Variants in CSGALNACT1 observed in about 807,000 individuals in gnomAD.
CSGALNACT1 encodes chondroitin sulfate N-acetylgalactosaminyltransferase 1, also known as beta4GalNAcT-1.
Under a neutral mutation model 51.0 loss-of-function variants are expected in CSGALNACT1, and 52 were observed. The ratio of observed to expected loss-of-function variants is 1.02; its 90% CI spans 0.82 to 1.29. The LOEUF is 1.29. Among genes scored for constraint, CSGALNACT1 ranks in the 50% most tolerant of loss-of-function variants. The pLI is 0.00. For missense variants in CSGALNACT1, 935 were observed against 679.2 expected (o/e 1.38, Z -4.19); for synonymous variants, 341 against 254.4 (o/e 1.34, Z -3.24).
chr8:19,454,761 A>C (rs1451794155), intron 5 of CSGALNACT1, among the ~76,000 whole-genome samples: 2 of 151,876 alleles, frequency 1.3e-5, no homozygotes, highest in African/African-American at 2.4e-5. Flanking sequence ...TTGTACTGAA[A>C]TGTTTCAATC....
chr8:19,647,533 C>T lies in CSGALNACT1; in HGVS notation c.-544+34940G>A, dbSNP rs375372512. Among the ~76,000 whole-genome samples, 15 of 152,306 alleles carry T rather than the reference C, an allele frequency of 9.8e-5. No homozygotes were observed. The East Asian group carries it at 1.5e-3, about 16-fold the overall frequency. On this transcript the variant is annotated intron_variant, in intron 1 of 9. Transcript: ENST00000332246. ...AGCTCATCTGAATACTCTAAGAGAG[C>T]CCAGTGATCACCTGCCAAATGGATT...
At chr8:19,618,318 G>A (rs1454174929) in intron 1 of CSGALNACT1, among the ~76,000 whole-genome samples, 2 of 152,096 alleles carry the variant, frequency 1.3e-5, no homozygotes, top group Non-Finnish European at 2.9e-5. Context: ...TACTATGACT[G>A]TAGGGCTGGC....
chr8:19,612,947 A>AG (rs1491459890), intron 1 of CSGALNACT1, among the ~76,000 whole-genome samples: 2 of 49,788 alleles, frequency 4.0e-5, no homozygotes. Flanking sequence ...AAGCAGCTGG[A>AG]AAAAAAAAAA....
chr8:19,686,516 G>A (rs192068668), upstream of CSGALNACT1, among the ~76,000 whole-genome samples: 2 of 152,238 alleles, frequency 1.3e-5, no homozygotes, highest in Admixed American at 1.3e-4. Context: ...TGTCCTTGGG[G>A]GTTTGTCTGT....
chr8:19,534,297 T>C (rs901662505), intron 3 of CSGALNACT1, among the ~76,000 whole-genome samples: 2 of 151,872 alleles, frequency 1.3e-5, no homozygotes, highest in Non-Finnish European at 2.9e-5. Context: ...ACCAAAAAAA[T>C]ACAGAAATTA....
At chr8:19,662,198 A>G (rs1389986222) in intron 1 of CSGALNACT1, among the ~76,000 whole-genome samples, 1 of 151,352 alleles carries the variant, frequency 6.6e-6, no homozygotes, top group Non-Finnish European at 1.5e-5. Flanking sequence ...CAGGTGATCA[A>G]CATGGTGAAA....
At chr8:19,650,489 C>A (rs539889032) in intron 1 of CSGALNACT1, among the ~76,000 whole-genome samples, 25 of 152,174 alleles carry the variant, frequency 1.6e-4, no homozygotes, top group Admixed American at 7.2e-4. Flanking sequence ...AATAGTGAAG[C>A]TCTTAATTTT....
chr8:19,743,191 G>C (rs1215787569), intron 1 of CSGALNACT1, among the ~76,000 whole-genome samples: 2 of 152,204 alleles, frequency 1.3e-5, no homozygotes, highest in African/African-American at 2.4e-5. Flanking sequence ...CCCAACATGA[G>C]CTGCTGGAAC....
rs558437279 is a variant in CSGALNACT1 at position 19,671,594 on chromosome 8, C to A, written c.-544+10879G>T. On this transcript the variant is annotated intron_variant, in intron 1 of 9. Transcript: ENST00000332246. The stretch of plus-strand genomic sequence containing the variant: ...ACATATAGTGAGAAAAACAGACAAA[C>A]TTCCCTGCCCTCCCGCAACTTATAT... Among the ~76,000 whole-genome samples the A allele has an allele frequency of 2.0e-5, 3 of 152,284 alleles. No homozygotes were observed. The East Asian group carries it at 5.8e-4, about 29-fold the overall frequency.
rs149382161 is a variant in CSGALNACT1 at position 19,619,917 on chromosome 8, T to C, written c.-543-18052A>G. On this transcript the variant is annotated intron_variant, in intron 1 of 9. Coordinates refer to the CSGALNACT1 transcript ENST00000332246. ...GGGCTCAAATCCCAGCCTGGTCACTTGAGACGCTGGGCAAATTATCCTTCT... is the reference window on the plus strand; with the variant it reads ...GGGCTCAAATCCCAGCCTGGTCACTCGAGACGCTGGGCAAATTATCCTTCT... Among the ~76,000 whole-genome samples, 363 of 152,282 alleles carry C rather than the reference T, an allele frequency of 2.4e-3. 3 individuals carry two copies. Among genetic ancestry groups the C allele is most frequent in the African/African-American group, 8.0e-3 (332 of 41,552 alleles).
At chr8:19,558,433 G>A (rs2039958747) in intron 3 of CSGALNACT1, among the ~76,000 whole-genome samples, 1 of 152,092 alleles carries the variant, frequency 6.6e-6, no homozygotes, top group Admixed American at 6.6e-5. Context: ...GGGATTTAAG[G>A]GTCCCTATAG....
chr8:19,445,421 A>G (rs1317635772), intron 5 of CSGALNACT1, among the ~76,000 whole-genome samples: 1 of 152,214 alleles, frequency 6.6e-6, no homozygotes, highest in African/African-American at 2.4e-5. Context: ...GTATTTTTAA[A>G]TCCATTCAAA....
At chr8:19,735,431 CA>C (rs1233844701) in intron 1 of CSGALNACT1, among the ~76,000 whole-genome samples, 1 of 152,080 alleles carries the variant, frequency 6.6e-6, no homozygotes, top group African/African-American at 2.4e-5. Context: ...TTAACATTCC[CA>C]CAGATAACAT....
upstream of CSGALNACT1, among the ~76,000 whole-genome samples, chr8:19,686,171 A>G (rs561873717): frequency 6.6e-6 from 1 of 152,264 alleles, no homozygotes; most frequent in African/African-American, 2.4e-5. Context: ...CAGCCAGCGG[A>G]CTGACAAGGA....
chr8:19,528,508 G>A (rs570465575), intron 3 of CSGALNACT1, among the ~76,000 whole-genome samples: 1 of 152,196 alleles, frequency 6.6e-6, no homozygotes, highest in South Asian at 2.1e-4. Flanking sequence ...TGGCCAAAGT[G>A]ACTGCCTCTT....
At chr8:19,431,604 G>T (rs1367510609) in intron 6 of CSGALNACT1, among the ~76,000 whole-genome samples, 1 of 151,826 alleles carries the variant, frequency 6.6e-6, no homozygotes, top group East Asian at 1.9e-4. Context: ...ATATTCATAG[G>T]GATACTGATC....
intron 3 of CSGALNACT1, among the ~76,000 whole-genome samples, chr8:19,571,794 AGAAACC>A (rs2043101953): frequency 1.3e-5 from 2 of 152,238 alleles, no homozygotes; most frequent in Admixed American, 6.5e-5. Flanking sequence ...AAATGGGAAC[AGAAACC>A]TCTGCCCTCT....
At chr8:19,594,806 C>T (rs1486990161) in intron 2 of CSGALNACT1, among the ~76,000 whole-genome samples, 4 of 152,046 alleles carry the variant, frequency 2.6e-5, no homozygotes, top group Non-Finnish European at 1.5e-5. Flanking sequence ...CCCACCTTGG[C>T]CTTCCACAGT....
intron 3 of CSGALNACT1, among the ~76,000 whole-genome samples, chr8:19,526,013 A>G (rs192896645): frequency 6.6e-6 from 1 of 152,322 alleles, no homozygotes; most frequent in African/African-American, 2.4e-5. Flanking sequence ...CTAGCTGAGG[A>G]ATACTTCAGA....
Sources: allele counts gnomAD v4.1 joint callset (sites outside exome capture counted in the v4.1 genomes callset), GRCh38; gene constraint gnomAD v4.1.1; transcripts MANE v1.5; gene names NCBI Gene and HGNC (gene_info 2026-07-23, HGNC 2026-07-21).